Variants in VPS35L observed in about 807,000 individuals in gnomAD.
VPS35L encodes the protein VPS35 endosomal protein-sorting factor-like.
In VPS35L, 83 loss-of-function variants were observed where a neutral mutation model predicts 133.0. The observed-to-expected ratio is 0.62, with a 90% CI of 0.52 to 0.75. The LOEUF (loss-of-function observed/expected upper bound fraction) is 0.75, where lower values mean the gene tolerates loss of function less well. Ranked by LOEUF, VPS35L falls within the 30% of genes least tolerant of loss-of-function variation. VPS35L has a pLI of 0.00. For missense variants in VPS35L, 1,083 were observed against 1,206.8 expected (o/e 0.90, Z 1.52); for synonymous variants, 423 against 449.9 (o/e 0.94, Z 0.76).
At chr16:19,693,309 G>T (rs1485367176) in intron 29 of VPS35L, among the ~76,000 whole-genome samples, 1 of 152,096 alleles carries the variant, frequency 6.6e-6, no homozygotes, top group Non-Finnish European at 1.5e-5. Context: ...GGAGGGCAAT[G>T]AAGAGAGGTT....
At chr16:19,605,582 T>G (rs1972515047) in intron 9 of VPS35L, among the ~76,000 whole-genome samples, 1 of 152,216 alleles carries the variant, frequency 6.6e-6, no homozygotes, top group South Asian at 2.1e-4. Context: ...TATACCTACC[T>G]CAGGGCCTTG....
At chr16:19,619,868 G>C (rs1973020775) in intron 14 of VPS35L, among the ~76,000 whole-genome samples, 1 of 152,116 alleles carries the variant, frequency 6.6e-6, no homozygotes. Context: ...GTGACAATTT[G>C]GTGCCTAAAA....
intron 26 of VPS35L, among the ~76,000 whole-genome samples, chr16:19,656,750 T>C (rs1974315760): frequency 6.6e-6 from 1 of 151,978 alleles, no homozygotes; most frequent in Non-Finnish European, 1.5e-5. Flanking sequence ...GCCATGGGTT[T>C]TAGGAGCTAA....
intron 8 of VPS35L, among the ~76,000 whole-genome samples, chr16:19,596,790 G>T (rs970748535): frequency 6.6e-6 from 1 of 151,708 alleles, no homozygotes; most frequent in Middle Eastern, 3.4e-3. Context: ...AGGCCAAGGC[G>T]GGCAGATCAC....
At position 19,627,776 on chromosome 16, in the gene VPS35L, A is replaced by C. The variant is rs1315680565; in HGVS notation, c.1354A>C (p.Lys452Gln). The C allele has an allele frequency of 2.5e-6, 4 of 1,613,458 alleles. No individual in the cohort carries two copies. The South Asian group carries it at 4.4e-5, about 18-fold the overall frequency. The change falls in exon 16 of 31, where the codon AAA becomes CAA. Residue 452 changes from lysine to glutamine, a missense_variant. By Grantham distance (53) the Lys-to-Gln change is moderately conservative. Transcript: ENST00000417362. ...TRSMDFIGMI[K>Q]ECDESGFPKH... The stretch of plus-strand genomic sequence containing the variant: ...GTCTATGGATTTCATTGGCATGATT[A>C]AAGAGTGTGATGAATCTGGTTTCCC...
intron 27 of VPS35L, among the ~76,000 whole-genome samples, chr16:19,677,807 T>G (rs540904271): frequency 6.6e-6 from 1 of 152,328 alleles, no homozygotes; most frequent in East Asian, 1.9e-4. Flanking sequence ...TTCCTTTCCC[T>G]GTTCTTCCTT....
At chr16:19,609,472 T>C (rs1168708954) in intron 11 of VPS35L, among the ~76,000 whole-genome samples, 1 of 152,020 alleles carries the variant, frequency 6.6e-6, no homozygotes, top group African/African-American at 2.4e-5. Flanking sequence ...TGGCTGCTGT[T>C]GATGATGATG....
chr16:19,591,952 A>T (rs1972057884), intron 8 of VPS35L, 78 bp downstream of exon 8: 5 of 1,150,944 alleles, frequency 4.3e-6, no homozygotes, highest in Non-Finnish European at 6.6e-6. Context: ...AGTTACTGTA[A>T]ATTAGGTTCT....
At chr16:19,608,746 A>C in intron 10 of VPS35L, 1 of 510,770 alleles carries the variant, frequency 2.0e-6, no homozygotes. Context: ...TTCAGCATGC[A>C]ACTATGAATC....
chr16:19,647,541 G>A (rs756193778), intron 23 of VPS35L, among the ~76,000 whole-genome samples: 1 of 152,162 alleles, frequency 6.6e-6, no homozygotes, highest in Non-Finnish European at 1.5e-5. Flanking sequence ...TTTATGTTCT[G>A]TGAAAAGGCC....
chr16:19,660,520 G>A (rs186765289), intron 26 of VPS35L, among the ~76,000 whole-genome samples: 73 of 152,092 alleles, frequency 4.8e-4, no homozygotes, highest in African/African-American at 1.7e-3. Flanking sequence ...TATGACTGAC[G>A]AGTGGTAAAG....
At chr16:19,611,720 CTT>C (rs1401168133) in intron 12 of VPS35L, 2 of 151,996 alleles carry the variant, frequency 1.3e-5, no homozygotes, top group Non-Finnish European at 2.9e-5. Context: ...CCTCTTCCCT[CTT>C]TGCAGCAGAG....
intron 8 of VPS35L, among the ~76,000 whole-genome samples, chr16:19,593,065 C>T (rs1047502594): frequency 7.2e-5 from 11 of 152,154 alleles, no homozygotes; most frequent in Non-Finnish European, 1.6e-4. Context: ...GCCCCTAGTC[C>T]CACACACCAC....
chr16:19,575,254 G>A, intron 5 of VPS35L, 132 bp downstream of exon 5: 1 of 812,722 alleles, frequency 1.2e-6, no homozygotes, highest in South Asian at 1.7e-5. Context: ...TTCTTAGATT[G>A]TGGATAGACG....
chr16:19,606,643 T>C (rs1972545471), intron 9 of VPS35L, among the ~76,000 whole-genome samples: 2 of 152,214 alleles, frequency 1.3e-5, no homozygotes, highest in African/African-American at 4.8e-5. Flanking sequence ...ATCACCTTCA[T>C]ATACTACCAA....
chr16:19,646,165 C>T (rs62024069), intron 23 of VPS35L, among the ~76,000 whole-genome samples: 47,990 of 151,890 alleles, frequency 0.32, 7,856 homozygotes, highest in East Asian at 0.34. Flanking sequence ...TGGCGTGGCA[C>T]GATTGGGCTG....
intron 3 of VPS35L, among the ~76,000 whole-genome samples, chr16:19,571,769 T>C (rs1971392660): frequency 6.6e-6 from 1 of 151,718 alleles, no homozygotes; most frequent in Non-Finnish European, 1.5e-5. Flanking sequence ...GGTCTCGAAC[T>C]CCTAACCTCA....
chr16:19,564,548 G>A (rs562378397), intron 1 of VPS35L, among the ~76,000 whole-genome samples: 22 of 151,990 alleles, frequency 1.4e-4, no homozygotes, highest in East Asian at 1.9e-4. Flanking sequence ...ACAGGCGTGC[G>A]CCACCATACC....
In VPS35L at chr16:19,633,015, A is replaced by T; in HGVS notation, c.1555-77A>T. On this transcript the variant is annotated intron_variant, in intron 18 of 30. Transcript: ENST00000417362. The surrounding 1 kb of genome is among the most constrained non-coding windows in gnomAD (Gnocchi z 4.1). ...GTGTGTGATATATTCTGAATACGTT[A>T]GTCCTTTCCCCCAGGAACATGGTCA... 1.9e-6 allele frequency: 2 copies of T among 1,051,506 alleles called. No homozygotes were observed. Among genetic ancestry groups the T allele is most frequent in the Non-Finnish European group, 3.0e-6 (2 of 671,302 alleles). 65.1% of individuals were successfully genotyped at this position (1,051,506 alleles called of 1,614,324 possible).
Sources: gnomAD v4.1 joint callset for allele counts (sites outside exome capture counted in the v4.1 genomes callset) on GRCh38, gnomAD v4.1.1 for gene constraint, Gnocchi (gnomAD v3.1) non-coding constraint, MANE v1.5 for transcripts, NCBI Gene and HGNC (gene_info 2026-07-23, HGNC 2026-07-21) for gene names.